Variants in RCOR1 observed in about 807,000 individuals in gnomAD.
The protein encoded by RCOR1 is REST corepressor.
In RCOR1, 12 loss-of-function variants were observed where a neutral mutation model predicts 64.0. The ratio of observed to expected loss-of-function variants is 0.19; its 90% CI spans 0.12 to 0.30. The LOEUF (loss-of-function observed/expected upper bound fraction) is 0.30, where lower values mean the gene tolerates loss of function less well. Among genes scored for constraint, RCOR1 ranks in the 10% least tolerant of loss-of-function variants. RCOR1 has a pLI of 1.00. For synonymous variants in RCOR1, 279 were observed against 227.2 expected (o/e 1.23, Z -2.05); for missense variants, 502 against 621.2 (o/e 0.81, Z 2.04).
intron 8 of RCOR1, among the ~76,000 whole-genome samples, chr14:102,719,236 T>TTTCTTC (rs201715877): frequency 7.2e-5 from 11 of 151,964 alleles, no homozygotes; most frequent in African/African-American, 2.4e-4. Flanking sequence ...AGCCTAGATA[T>TTTCTTC]TTCTTCTTCT....
At chr14:102,711,460 G>A (rs772853738) in intron 7 of RCOR1, among the ~76,000 whole-genome samples, 1 of 152,220 alleles carries the variant, frequency 6.6e-6, no homozygotes, top group African/African-American at 2.4e-5. Flanking sequence ...CTCAGAAGCA[G>A]CAATTTGGTC....
chr14:102,647,535 G>A (rs1013764562), intron 2 of RCOR1, among the ~76,000 whole-genome samples: 2 of 151,984 alleles, frequency 1.3e-5, no homozygotes, highest in African/African-American at 2.4e-5. Flanking sequence ...TGGCCAGGCT[G>A]GTCTTGAACT....
chr14:102,707,066 T>G (rs1895872904), intron 4 of RCOR1, among the ~76,000 whole-genome samples: 1 of 152,060 alleles, frequency 6.6e-6, no homozygotes, highest in African/African-American at 2.4e-5. Flanking sequence ...TGTTTGAAAA[T>G]TAAATAATTT....
chr14:102,682,057 C>T lies in RCOR1; in HGVS notation c.445+79C>T, dbSNP rs1166951292. 49 of 774,718 alleles carry T rather than the reference C, an allele frequency of 6.3e-5. 1 individual carries two copies. In the Middle Eastern group the frequency reaches 1.2e-3, roughly 19 times the overall value. 48.0% of individuals were successfully genotyped at this position (774,718 alleles called of 1,614,324 possible). A position where few individuals can be genotyped will look rare whatever the true frequency, so the allele number is the denominator to read the frequency against. ...AAGGTACCTTTGAAGGTAAAAGCTT[C>T]TATATGTATTAAATTTCTTTTCTAT... On this transcript the variant is annotated intron_variant, in intron 3 of 11. Transcript: ENST00000262241.
chr14:102,710,305 C>A (rs953411315), intron 6 of RCOR1, among the ~76,000 whole-genome samples: 2 of 152,158 alleles, frequency 1.3e-5, no homozygotes, highest in Non-Finnish European at 2.9e-5. Flanking sequence ...TACATCGGGG[C>A]TTTTCTTGTT....
At chr14:102,620,661 C>T (rs933788421) in intron 2 of RCOR1, among the ~76,000 whole-genome samples, 1 of 152,124 alleles carries the variant, frequency 6.6e-6, no homozygotes, top group African/African-American at 2.4e-5. Flanking sequence ...ATTCAAGGCT[C>T]AGTGAGCTCT....
intron 2 of RCOR1, among the ~76,000 whole-genome samples, chr14:102,676,644 A>G (rs1368910038): frequency 1.5e-5 from 1 of 66,626 alleles, no homozygotes. Flanking sequence ...TGATCCCCCC[A>G]CCTCCCTCCC....
rs1376458488 is a variant in RCOR1 at position 102,593,216 on chromosome 14, G to GGCCCCGC, written c.302-39_302-33dup. 2.4e-5 allele frequency: 36 copies of GGCCCCGC among 1,478,406 alleles called. 1 individual carries two copies. Among genetic ancestry groups the GGCCCCGC allele is most frequent in the South Asian group, 8.0e-5 (6 of 75,116 alleles). The allele number at this position is 1,478,406 out of a possible 1,614,324, so 91.6% of individuals were successfully genotyped here. A position where few individuals can be genotyped will look rare whatever the true frequency, so the allele number is the denominator to read the frequency against. On this transcript the variant is annotated intron_variant, in intron 1 of 11. Coordinates refer to ENST00000262241, the MANE Select transcript of RCOR1 (RefSeq NM_015156.4). ...GGTGGCAGCCGCCCCCGCGGCCCCG[G>GGCCCCGC]GCCCCGCGCCCCGCGCCGCGCTGAC...
chr14:102,670,799 G>A (rs1895019074), intron 2 of RCOR1, among the ~76,000 whole-genome samples: 1 of 151,416 alleles, frequency 6.6e-6, no homozygotes, highest in African/African-American at 2.4e-5. Flanking sequence ...TTGAGATGGA[G>A]TCTTGCTCTT....
chr14:102,647,073 A>G (rs1269216569), intron 2 of RCOR1, among the ~76,000 whole-genome samples: 2 of 152,232 alleles, frequency 1.3e-5, no homozygotes, highest in Non-Finnish European at 2.9e-5. Context: ...AAAAATGTTC[A>G]GAAGTGAAAA....
intron 2 of RCOR1, among the ~76,000 whole-genome samples, chr14:102,617,515 C>T (rs1452519848): frequency 6.6e-6 from 1 of 151,478 alleles, no homozygotes; most frequent in Non-Finnish European, 1.5e-5. Context: ...AGAGTTTGAG[C>T]TTGCAGTACA....
chr14:102,719,202 C>T (rs1896127086), intron 8 of RCOR1, among the ~76,000 whole-genome samples: 1 of 152,160 alleles, frequency 6.6e-6, no homozygotes, highest in Non-Finnish European at 1.5e-5. Flanking sequence ...CCCACCTCAG[C>T]CTCGCAAGTA....
intron 4 of RCOR1, among the ~76,000 whole-genome samples, chr14:102,704,770 TGTG>T (rs1206869724): frequency 6.6e-6 from 1 of 152,122 alleles, no homozygotes; most frequent in Non-Finnish European, 1.5e-5. Context: ...TAGTCCCACA[TGTG>T]GTCATCAGAA....
intron 2 of RCOR1, among the ~76,000 whole-genome samples, chr14:102,642,299 T>G (rs1384092579): frequency 6.6e-6 from 1 of 152,246 alleles, no homozygotes; most frequent in Non-Finnish European, 1.5e-5. Flanking sequence ...ATTCAGTGCC[T>G]CATGTTTCTT....
intron 8 of RCOR1, among the ~76,000 whole-genome samples, chr14:102,714,908 A>G (rs781021706): frequency 6.6e-6 from 1 of 152,160 alleles, no homozygotes; most frequent in Non-Finnish European, 1.5e-5. Context: ...TTCTCACAAT[A>G]TGAACATACC....
intron 3 of RCOR1, among the ~76,000 whole-genome samples, chr14:102,698,447 C>T (rs375629087): frequency 1.1e-4 from 16 of 152,344 alleles, no homozygotes; most frequent in African/African-American, 3.6e-4. Context: ...GGTGATCATA[C>T]ATACATTCCT....
At chr14:102,721,551 T>A (rs1260979310) in intron 10 of RCOR1, 174 bp downstream of exon 10, 156 of 335,146 alleles carry the variant, frequency 4.7e-4, no homozygotes, top group South Asian at 9.2e-4. Flanking sequence ...ACCCTGACTT[T>A]AAAAAAAAAA....
chr14:102,662,362 G>T, intron 2 of RCOR1: 1 of 566,676 alleles, frequency 1.8e-6, no homozygotes, highest in Admixed American at 1.9e-5. Flanking sequence ...CAATGTCATA[G>T]AGCTTCTTCA....
intron 2 of RCOR1, among the ~76,000 whole-genome samples, chr14:102,601,994 A>G (rs1238893515): frequency 2.0e-5 from 3 of 152,080 alleles, no homozygotes; most frequent in African/African-American, 7.2e-5. Context: ...CCCCGTCTCT[A>G]CTAAAAATAT....
Sources: gnomAD v4.1 joint callset for allele counts (sites outside exome capture counted in the v4.1 genomes callset) on GRCh38, gnomAD v4.1.1 for gene constraint, MANE v1.5 for transcripts, NCBI Gene and HGNC (gene_info 2026-07-23, HGNC 2026-07-21) for gene names.